HSD17B4: variants seen among roughly 807,000 people sequenced by gnomAD.
HSD17B4 encodes peroxisomal multifunctional enzyme type 2.
HSD17B4 carries 70 observed loss-of-function variants against 101.0 expected under a neutral mutation model. That is an observed-to-expected ratio of 0.69 (90% CI 0.57 to 0.85). The LOEUF (loss-of-function observed/expected upper bound fraction) is 0.85. Ranked by LOEUF, HSD17B4 falls within the 40% of genes least tolerant of loss-of-function variation. HSD17B4 has a pLI of 0.00. For missense variants in HSD17B4, 984 were observed against 892.4 expected, an observed-to-expected ratio of 1.10 and a Z score of -1.31; for synonymous variants, 347 against 297.1, an observed-to-expected ratio of 1.17 and a Z score of -1.73.
chr5:119,510,985 G>A (rs1334574532), intron 16 of HSD17B4, among the ~76,000 whole-genome samples: 2 of 152,192 alleles, frequency 1.3e-5, no homozygotes, highest in African/African-American at 4.8e-5. Context: ...CCTGTGGCAG[G>A]TTGAGAATAC....
intron 16 of HSD17B4, among the ~76,000 whole-genome samples, chr5:119,510,422 A>T (rs1037124352): frequency 3.9e-5 from 6 of 152,250 alleles, no homozygotes; most frequent in Admixed American, 1.3e-4. Flanking sequence ...TTTGGATTTC[A>T]CGTTAATCTG....
chr5:119,505,847 A>G (rs1001294051), intron 14 of HSD17B4, among the ~76,000 whole-genome samples: 4 of 152,128 alleles, frequency 2.6e-5, no homozygotes. Flanking sequence ...ATGCTCAACA[A>G]ATGTTTGTTG....
At chr5:119,523,952 G>GTGTT (rs1753344708) in intron 17 of HSD17B4, among the ~76,000 whole-genome samples, 1 of 152,056 alleles carries the variant, frequency 6.6e-6, no homozygotes, top group Admixed American at 6.6e-5. Context: ...GATCTAGCAT[G>GTGTT]TGTTTGATAA....
rs1752497361 is a variant in HSD17B4, at chr5:119,515,088, A to G, written c.1503+42A>G. ...GAAAAATGATAAATCCACCTGGTTG[A>G]TGACACTTTTTAATTTATAGCTCTG... On this transcript the variant is annotated intron_variant, in intron 17 of 23. Coordinates refer to ENST00000510025, the MANE Select transcript of HSD17B4 (RefSeq NM_000414.4). 3 of 1,092,310 alleles carry G rather than the reference A, an allele frequency of 2.7e-6. No homozygotes were observed. In the African/African-American group the frequency reaches 4.6e-5, roughly 17 times the overall value. The allele number at this position is 1,092,310 out of a possible 1,614,324, so 67.7% of individuals were successfully genotyped here.
chr5:119,522,678 T>C (rs764025465), intron 17 of HSD17B4, among the ~76,000 whole-genome samples: 2 of 152,116 alleles, frequency 1.3e-5, no homozygotes, highest in African/African-American at 2.4e-5. Context: ...GGGGAGGTGT[T>C]TTATTTTTAA....
At chr5:119,488,567 T>C (rs1749812258) in intron 8 of HSD17B4, among the ~76,000 whole-genome samples, 1 of 152,204 alleles carries the variant, frequency 6.6e-6, no homozygotes, top group African/African-American at 2.4e-5. Flanking sequence ...CGTTACACAT[T>C]GTATAAGGTA....
At chr5:119,539,807 A>AG (rs1754831943) in intron 23 of HSD17B4, among the ~76,000 whole-genome samples, 2 of 151,576 alleles carry the variant, frequency 1.3e-5, no homozygotes, top group Admixed American at 1.3e-4. Flanking sequence ...AAATTGGTAT[A>AG]GGCCAGGGAC....
At chr5:119,456,247 G>A in intron 1 of HSD17B4, 68 bp from the exon 2 acceptor site, 1 of 935,280 alleles carries the variant, frequency 1.1e-6, no homozygotes, top group East Asian at 2.4e-5. Context: ...AATGGGGATT[G>A]AGTTGAGCGG....
intron 23 of HSD17B4, among the ~76,000 whole-genome samples, chr5:119,537,388 T>C (rs1754624972): frequency 6.6e-6 from 1 of 152,140 alleles, no homozygotes; most frequent in Non-Finnish European, 1.5e-5. Context: ...TTTAATAATT[T>C]TAATGTTTAC....
chr5:119,512,890 G>C (rs1752301620), intron 16 of HSD17B4, among the ~76,000 whole-genome samples: 1 of 152,142 alleles, frequency 6.6e-6, no homozygotes, highest in Non-Finnish European at 1.5e-5. Flanking sequence ...ATGAAAATGT[G>C]CCTAAGTTGA....
chr5:119,502,522 A>G, intron 14 of HSD17B4, among the ~76,000 whole-genome samples: 1 of 110,268 alleles, frequency 9.1e-6, no homozygotes, highest in Non-Finnish European at 2.0e-5. Flanking sequence ...TTTGGAGAAA[A>G]TAAAAACAAG....
chr5:119,515,239 C>G (rs1199561573), intron 17 of HSD17B4, among the ~76,000 whole-genome samples, 193 bp downstream of exon 17: 1 of 151,500 alleles, frequency 6.6e-6, no homozygotes, highest in Admixed American at 6.6e-5. Context: ...TAATGTTTTC[C>G]CACTAGATAC....
At chr5:119,531,799 A>G (rs1754138302) in intron 22 of HSD17B4, among the ~76,000 whole-genome samples, 1 of 152,146 alleles carries the variant, frequency 6.6e-6, no homozygotes. Flanking sequence ...CAGTTACAAA[A>G]TTATTTTATT....
chr5:119,517,815 ACAAAC>A lies in HSD17B4; in HGVS notation c.1503+2773_1503+2777del, dbSNP rs1283985353. Among the ~76,000 whole-genome samples the A allele has an allele frequency of 2.0e-5, 3 of 152,146 alleles. No homozygotes were observed. The East Asian group carries it at 5.8e-4, about 29-fold the overall frequency. On this transcript the variant is annotated intron_variant, in intron 17 of 23. Transcript: ENST00000510025. ...TCTGTATCTAGCTCAAGGTTTGTAAACAAACCAATCAGCACCCTGTGTCTAGCTCA... is the reference window on the plus strand; with the variant it reads ...TCTGTATCTAGCTCAAGGTTTGTAAACAATCAGCACCCTGTGTCTAGCTCA...
chr5:119,527,777 T>G (rs1753734876), intron 20 of HSD17B4, among the ~76,000 whole-genome samples: 1 of 152,100 alleles, frequency 6.6e-6, no homozygotes, highest in African/African-American at 2.4e-5. Context: ...ATCTTATCCT[T>G]TATGAGTTTT....
intron 14 of HSD17B4, among the ~76,000 whole-genome samples, chr5:119,506,263 G>A (rs59177585): frequency 0.028 from 4,184 of 152,054 alleles, 178 homozygotes; most frequent in African/African-American, 0.092. Context: ...GAGAACGTGC[G>A]TTGTTTGATT....
At chr5:119,518,709 T>C (rs1049618787) in intron 17 of HSD17B4, among the ~76,000 whole-genome samples, 4 of 152,338 alleles carry the variant, frequency 2.6e-5, no homozygotes, top group African/African-American at 9.6e-5. Flanking sequence ...ATAAACTTTA[T>C]GCTAGGTATT....
intron 20 of HSD17B4, among the ~76,000 whole-genome samples, chr5:119,529,476 G>C (rs1415969053): frequency 1.3e-5 from 2 of 152,074 alleles, no homozygotes; most frequent in African/African-American, 4.8e-5. Context: ...TGGCTATTGT[G>C]CTATGCCTTT....
chr5:119,502,560 A>T (rs1348643880), intron 14 of HSD17B4, among the ~76,000 whole-genome samples: 1 of 151,884 alleles, frequency 6.6e-6, no homozygotes, highest in East Asian at 1.9e-4. Flanking sequence ...TACTTTTCTC[A>T]AAAATATCTT....
Sources: allele counts gnomAD v4.1 joint callset (sites outside exome capture counted in the v4.1 genomes callset), GRCh38; gene constraint gnomAD v4.1.1; transcripts MANE v1.5; gene names NCBI Gene and HGNC (gene_info 2026-07-23, HGNC 2026-07-21).